The following FGF12 variants were observed in gnomAD, a reference collection of about 807,000 sequenced individuals.
FGF12 encodes the protein fibroblast growth factor 12B.
Under a neutral mutation model 23.6 loss-of-function variants are expected in FGF12, and 14 were observed. The observed-to-expected ratio is 0.59, with a 90% confidence interval of 0.39 to 0.93. FGF12 has a LOEUF of 0.93. Among genes scored for constraint, FGF12 ranks in the 40% least tolerant of loss-of-function variants. The pLI is 0.00. For missense variants in FGF12, 175 were observed against 217.8 expected, an observed-to-expected ratio of 0.80 and a Z score of 1.24; for synonymous variants, 62 against 77.3, an observed-to-expected ratio of 0.80 and a Z score of 1.04.
At chr3:192,209,686 T>G (rs1425895423) in intron 4 of FGF12, among the ~76,000 whole-genome samples, 4 of 152,184 alleles carry the variant, frequency 2.6e-5, no homozygotes, top group Non-Finnish European at 5.9e-5. Context: ...ATTTTAGAGA[T>G]AGGAATTTTT....
At chr3:192,198,105 A>G (rs746779194) in intron 4 of FGF12, among the ~76,000 whole-genome samples, 3 of 152,192 alleles carry the variant, frequency 2.0e-5, no homozygotes, top group African/African-American at 4.8e-5. Flanking sequence ...GAATAAAAGA[A>G]AGACCCCAAA....
At chr3:192,510,147 C>T (rs2108838907) in intron 2 of FGF12, among the ~76,000 whole-genome samples, 1 of 152,256 alleles carries the variant, frequency 6.6e-6, no homozygotes, top group Non-Finnish European at 1.5e-5. Context: ...GTCACTTCTG[C>T]TCACATTTCA....
At chr3:192,548,022 T>C (rs901830426) in intron 2 of FGF12, among the ~76,000 whole-genome samples, 1 of 152,188 alleles carries the variant, frequency 6.6e-6, no homozygotes, top group Non-Finnish European at 1.5e-5. Context: ...TTAAAAAACT[T>C]TCCAACTACT....
chr3:192,480,781 T>C (rs1416289352), intron 2 of FGF12, among the ~76,000 whole-genome samples: 1 of 152,156 alleles, frequency 6.6e-6, no homozygotes, highest in Non-Finnish European at 1.5e-5. Context: ...ATATTCTACA[T>C]TAAGAATAAA....
chr3:192,676,353 A>C (rs1040738580), intron 2 of FGF12, among the ~76,000 whole-genome samples: 3 of 152,190 alleles, frequency 2.0e-5, no homozygotes, highest in Admixed American at 6.5e-5. Flanking sequence ...TAAGAGAACA[A>C]CACCAACTCC....
chr3:192,293,386 G>C (rs924187878), intron 4 of FGF12, among the ~76,000 whole-genome samples: 2 of 152,132 alleles, frequency 1.3e-5, no homozygotes, highest in Non-Finnish European at 2.9e-5. Flanking sequence ...CATCTTTCCA[G>C]TGCTAAATTT....
At chr3:192,486,575 A>G (rs1039223099) in intron 2 of FGF12, among the ~76,000 whole-genome samples, 5 of 152,088 alleles carry the variant, frequency 3.3e-5, no homozygotes, top group Admixed American at 3.3e-4. Context: ...AAAGAAGAAT[A>G]CTGTGGCTCG....
intron 2 of FGF12, among the ~76,000 whole-genome samples, chr3:192,379,939 T>C (rs1719746247): frequency 6.6e-6 from 1 of 152,212 alleles, no homozygotes; most frequent in African/African-American, 2.4e-5. Flanking sequence ...TGACTTACGA[T>C]TTTATTATGT....
intron 2 of FGF12, among the ~76,000 whole-genome samples, chr3:192,670,079 A>G (rs964763409): frequency 6.6e-6 from 1 of 152,186 alleles, no homozygotes; most frequent in Non-Finnish European, 1.5e-5. Flanking sequence ...CCATTTTCCA[A>G]CTATATCCCA....
rs2108776191 is a variant in FGF12 at position 192,408,250 on chromosome 3, C to T, written c.14-47712G>A. 3 of 1,569,170 alleles carry T rather than the reference C, an allele frequency of 1.9e-6. No individual in the cohort carries two copies. In the South Asian group the frequency reaches 3.4e-5, roughly 18 times the overall value. On this transcript the variant is annotated intron_variant, in intron 2 of 5. Transcript: ENST00000445105. This position sits in a 1 kb window ranked among gnomAD's most constrained non-coding sequence, Gnocchi z 7.3. ...GCTGCTCAGCGAGGGCCTCAGGCCC[C>T]AGCCTCTACTGCGCCCTCCGGCTTG...
chr3:192,456,720 C>T (rs1246823295), intron 2 of FGF12, among the ~76,000 whole-genome samples: 2 of 152,060 alleles, frequency 1.3e-5, no homozygotes, highest in Non-Finnish European at 2.9e-5. Flanking sequence ...GTAAGAATTA[C>T]ACCCTGCAGG....
At chr3:192,673,159 A>G (rs1452033159) in intron 2 of FGF12, 2 of 150,876 alleles carry the variant, frequency 1.3e-5, no homozygotes, top group Non-Finnish European at 3.0e-5. Flanking sequence ...ATCTAACTCC[A>G]TAGGCTTCCT....
intron 4 of FGF12, among the ~76,000 whole-genome samples, chr3:192,209,648 GTACAGGATTTTAGAGATAGGA>G (rs1184054376): frequency 6.6e-6 from 1 of 152,134 alleles, no homozygotes; most frequent in Admixed American, 6.5e-5. Context: ...CCTCACATCA[GTACAGGATTTTAGAGATAGGA>G]TACAGGATTT....
At chr3:192,665,223 T>C (rs1156541212) in intron 2 of FGF12, among the ~76,000 whole-genome samples, 1 of 152,168 alleles carries the variant, frequency 6.6e-6, no homozygotes, top group Non-Finnish European at 1.5e-5. Flanking sequence ...TTAGACACAG[T>C]TGCTCTTTAT....
chr3:192,155,628 T>C (rs76903704), intron 5 of FGF12, among the ~76,000 whole-genome samples: 6,323 of 152,306 alleles, frequency 0.042, 210 homozygotes, highest in South Asian at 0.063. Flanking sequence ...GGAGAATTAC[T>C]AATACCACAT....
At chr3:192,424,303 A>G (rs574624270) in intron 2 of FGF12, among the ~76,000 whole-genome samples, 1 of 152,318 alleles carries the variant, frequency 6.6e-6, no homozygotes, top group South Asian at 2.1e-4. Flanking sequence ...TATCATCAAA[A>G]TACAGAATTA....
rs188675153 is a variant in FGF12 at position 192,241,189 on chromosome 3, A to C, written c.229-70533T>G. ...CACTGAACAGAAAGATATTTTTGGA[A>C]AGACTATATAAAAAGATTAGTACTG... On this transcript the variant is annotated intron_variant, in intron 4 of 5. Transcript: ENST00000445105. Among the ~76,000 whole-genome samples, 333 of 152,308 alleles carry C rather than the reference A, an allele frequency of 2.2e-3. 2 individuals are homozygous for C. Among genetic ancestry groups the C allele is most frequent in the African/African-American group, 5.5e-3 (228 of 41,582 alleles).
intron 4 of FGF12, among the ~76,000 whole-genome samples, chr3:192,175,623 T>C (rs1311386284): frequency 1.3e-5 from 2 of 152,238 alleles, no homozygotes; most frequent in Admixed American, 6.5e-5. Context: ...TGTTCTATCA[T>C]GGTATAAGCC....
chr3:192,411,316 A>G (rs1336633538), intron 2 of FGF12, among the ~76,000 whole-genome samples: 1 of 152,234 alleles, frequency 6.6e-6, no homozygotes, highest in Non-Finnish European at 1.5e-5. Context: ...GCTGGCAGAT[A>G]GAGGCTCATG....
Sources: allele counts gnomAD v4.1 joint callset (sites outside exome capture counted in the v4.1 genomes callset), GRCh38; gene constraint gnomAD v4.1.1; non-coding constraint Gnocchi (gnomAD v3.1); transcripts MANE v1.5; gene names NCBI Gene and HGNC (gene_info 2026-07-23, HGNC 2026-07-21).